VEZF1: variants seen among roughly 807,000 people sequenced by gnomAD.
VEZF1 encodes putative transcription factor DB1.
In VEZF1, 5 loss-of-function variants were observed where a neutral mutation model predicts 44.1. The observed-to-expected ratio is 0.11, with a 90% CI of 0.06 to 0.24. The LOEUF (loss-of-function observed/expected upper bound fraction) is 0.24. Among genes scored for constraint, VEZF1 ranks in the 10% least tolerant of loss-of-function variants. VEZF1 has a pLI of 1.00. For missense variants in VEZF1, 358 were observed against 641.8 expected, an observed-to-expected ratio of 0.56 and a Z score of 4.78; for synonymous variants, 236 against 233.1, an observed-to-expected ratio of 1.01 and a Z score of -0.11.
Position 57,979,247 on chromosome 17 carries a change from TGCTGCTGCTGC to T in VEZF1, c.1032_1042del (p.Gln345AlafsTer27), listed in dbSNP as rs764579222. The T allele has an allele frequency of 4.4e-6, 7 of 1,575,486 alleles. No homozygotes were observed. Among genetic ancestry groups the T allele is most frequent in the South Asian group, 2.2e-5 (2 of 89,246 alleles). ...CACATGTTGTTGTTGTTGTTGTTGC[TGCTGCTGCTGC>T]TGCTGCTGCTGCTGCTGCTGCTGCT... On this transcript the variant is annotated frameshift_variant, in exon 5 of 6. Coordinates refer to ENST00000581208, the MANE Select transcript of VEZF1 (RefSeq NM_007146.3). LOFTEE classifies it high-confidence loss of function.
At chr17:57,987,217 C>T (rs1482184255) in intron 1 of VEZF1, among the ~76,000 whole-genome samples, 6 of 152,004 alleles carry the variant, frequency 3.9e-5, no homozygotes, top group Non-Finnish European at 8.8e-5. Context: ...TCGAGGTGGG[C>T]GAGAAAGAAA....
chr17:57,984,938 A>G (rs926530830), intron 1 of VEZF1, among the ~76,000 whole-genome samples: 39 of 152,332 alleles, frequency 2.6e-4, no homozygotes, highest in Middle Eastern at 3.4e-3. Flanking sequence ...CTAGCAAATT[A>G]CAGTCCGCTT....
chr17:57,978,210 GAA>G (rs889143029), intron 5 of VEZF1, among the ~76,000 whole-genome samples: 1 of 118,330 alleles, frequency 8.5e-6, no homozygotes, highest in African/African-American at 3.1e-5. Context: ...GTCTAAAAAA[GAA>G]AAAAAAAAAA....
chr17:57,972,795 T>A lies in VEZF1; in HGVS notation c.*1678A>T, dbSNP rs2075149947. On this transcript the variant is annotated 3_prime_UTR_variant, in exon 6 of 6. Coordinates refer to ENST00000581208, the MANE Select transcript of VEZF1 (RefSeq NM_007146.3). ...AAAATTATTTTACACTAAGTACTATTTATTTTATTTTTTTACTATGTAGTT... is the reference window on the plus strand; with the variant it reads ...AAAATTATTTTACACTAAGTACTATATATTTTATTTTTTTACTATGTAGTT... 1 of 152,514 alleles carries A rather than the reference T, an allele frequency of 6.6e-6. No individual in the cohort carries two copies. Among genetic ancestry groups the A allele is most frequent in the African/African-American group, 2.4e-5 (1 of 41,452 alleles). The allele number at this position is 152,514 out of a possible 1,614,324, so 9.4% of individuals were successfully genotyped here. A position where few individuals can be genotyped will look rare whatever the true frequency, so the allele number is the denominator to read the frequency against.
intron 1 of VEZF1, among the ~76,000 whole-genome samples, chr17:57,987,819 G>A (rs1461363817): frequency 6.6e-6 from 1 of 151,812 alleles, no homozygotes; most frequent in African/African-American, 2.4e-5. Flanking sequence ...GTGTGTGAGT[G>A]TGTGTGTGTG....
Position 57,974,830 on chromosome 17 carries a change from T to C in VEZF1, c.1209A>G (p.Ile403Met). The C allele has an allele frequency of 6.2e-7, 1 of 1,614,194 alleles. No individual in the cohort carries two copies. The highest frequency in any genetic ancestry group is 8.5e-7 in the Non-Finnish European group (1 of 1,180,040). The change falls in exon 6 of 6, where the codon ATA becomes ATG. Residue 403 changes from isoleucine (I) to methionine (M), a missense_variant. Transcript: ENST00000581208. ...TAGTCCCAGACGACACAGAGGATGTTATACTGAATGGAGTAGTGAGAGTCA... is the reference window on the plus strand; with the variant it reads ...TAGTCCCAGACGACACAGAGGATGTCATACTGAATGGAGTAGTGAGAGTCA... ...TPVTLTTPFS[I>M]TSSVSSGTMS...
intron 1 of VEZF1, among the ~76,000 whole-genome samples, chr17:57,987,600 G>A (rs1195707562): frequency 1.3e-5 from 2 of 152,092 alleles, no homozygotes; most frequent in South Asian, 2.1e-4. Context: ...AAGGTGAAAA[G>A]AGAACAAGCG....
chr17:57,987,160 T>C (rs2075302549), intron 1 of VEZF1, among the ~76,000 whole-genome samples: 1 of 152,170 alleles, frequency 6.6e-6, no homozygotes, highest in South Asian at 2.1e-4. Flanking sequence ...TCTGGGGGCT[T>C]TGTAAGCGGA....
intron 5 of VEZF1, among the ~76,000 whole-genome samples, chr17:57,975,857 G>C (rs2143321893): frequency 6.6e-6 from 1 of 152,246 alleles, no homozygotes; most frequent in East Asian, 1.9e-4. Context: ...GAGTGCAGTA[G>C]CATGATCAAA....
rs924766724 is a variant in VEZF1 at position 57,972,303 on chromosome 17, C to G, written c.*2170G>C. On this transcript the variant is annotated 3_prime_UTR_variant, in exon 6 of 6. Coordinates refer to ENST00000581208, the MANE Select transcript of VEZF1 (RefSeq NM_007146.3). ...CCACTGTGGAGGAAGCCTGGGCTGT[C>G]TGAATTGTGAATTATGACTGCCAGC... is the stretch of plus-strand genomic sequence containing the variant. 6.6e-6 allele frequency: 1 copy of G among 152,184 alleles called. No homozygotes were observed. The highest frequency in any genetic ancestry group is 1.5e-5 in the Non-Finnish European group (1 of 68,040). The allele number at this position is 152,184 out of a possible 1,614,324, so 9.4% of individuals were successfully genotyped here.
intron 3 of VEZF1, 78 bp downstream of exon 3, chr17:57,981,795 G>T: frequency 7.2e-7 from 1 of 1,384,848 alleles, no homozygotes; most frequent in South Asian, 1.2e-5. Flanking sequence ...TTCAAGAATG[G>T]TGAGATTCAA....
chr17:57,979,812 G>T (rs2075229782), intron 4 of VEZF1, among the ~76,000 whole-genome samples: 1 of 151,554 alleles, frequency 6.6e-6, no homozygotes, highest in Non-Finnish European at 1.5e-5. Flanking sequence ...TACAAAAAAA[G>T]TAGCAAAGGT....
intron 1 of VEZF1, among the ~76,000 whole-genome samples, chr17:57,986,729 T>C (rs2075297008): frequency 6.6e-6 from 1 of 152,232 alleles, no homozygotes; most frequent in African/African-American, 2.4e-5. Flanking sequence ...AGTTATCCAA[T>C]TCTCTATATT....
Position 57,982,701 on chromosome 17 carries a change from T to C in VEZF1, c.726A>G (p.Ser242=), listed in dbSNP as rs2075261101. 1 of 1,606,802 alleles carries C rather than the reference T, an allele frequency of 6.2e-7. No individual in the cohort carries two copies. The highest frequency in any genetic ancestry group is 8.5e-7 in the Non-Finnish European group (1 of 1,176,526). Residue 242 remains serine, a splice_region_variant and synonymous_variant, in exon 2 of 6, where the codon TCA becomes TCG. Coordinates refer to ENST00000581208, the MANE Select transcript of VEZF1 (RefSeq NM_007146.3). ...CAAAGCAAAGCAAAATGCAGTACCTTGAGAAGCCTTTCCCACAAACACTGC... is the reference window on the plus strand; with the variant it reads ...CAAAGCAAAGCAAAATGCAGTACCTCGAGAAGCCTTTCCCACAAACACTGC... ...YTCSVCGKGF[S]RPDHLSCHVK...
At chr17:57,979,066 C>T in intron 5 of VEZF1, 86 bp downstream of exon 5, 1 of 1,505,470 alleles carries the variant, frequency 6.6e-7, no homozygotes, top group Non-Finnish European at 9.0e-7. Flanking sequence ...TTTCCTAAAA[C>T]TGTGGCTTCT....
chr17:57,982,146 T>G (rs886995202), intron 2 of VEZF1, among the ~76,000 whole-genome samples: 4 of 152,210 alleles, frequency 2.6e-5, no homozygotes, highest in African/African-American at 9.7e-5. Context: ...TCTCTCCTAG[T>G]CAACATCAAA....
chr17:57,980,204 G>A (rs72839922), intron 4 of VEZF1, among the ~76,000 whole-genome samples: 2,074 of 152,146 alleles, frequency 0.014, 20 homozygotes, highest in Non-Finnish European at 0.019. Flanking sequence ...TAAAGGATTA[G>A]GAAAATGCCT....
Position 57,972,684 on chromosome 17 carries a change from C to T in VEZF1, c.*1789G>A, listed in dbSNP as rs1250819035. On this transcript the variant is annotated 3_prime_UTR_variant, in exon 6 of 6. Transcript: ENST00000581208. ...ACATTAAAAGTGTAGGAATGTGTTG[C>T]CTTCCTGCTAAACAGAAAGTTCCTA... The T allele has an allele frequency of 6.6e-6, 1 of 152,478 alleles. No homozygotes were observed. The highest frequency in any genetic ancestry group is 1.5e-5 in the Non-Finnish European group (1 of 68,024). 9.4% of individuals were successfully genotyped at this position (152,478 alleles called of 1,614,324 possible).
At chr17:57,982,422 T>G (rs1337923617) in intron 2 of VEZF1, among the ~76,000 whole-genome samples, 1 of 152,188 alleles carries the variant, frequency 6.6e-6, no homozygotes, top group African/African-American at 2.4e-5. Context: ...ACTGGTGGTT[T>G]TGCAGTGATA....
Sources: allele counts gnomAD v4.1 joint callset (sites outside exome capture counted in the v4.1 genomes callset), GRCh38; gene constraint gnomAD v4.1.1; transcripts MANE v1.5; gene names NCBI Gene and HGNC (gene_info 2026-07-23, HGNC 2026-07-21).